Variants in EFHC2 observed in about 807,000 individuals in gnomAD.
The protein encoded by EFHC2 is EF-hand domain-containing family member C2.
A neutral mutation model predicts 52.7 loss-of-function variants in EFHC2; 18 were observed. That is an observed-to-expected ratio of 0.34 (90% CI 0.24 to 0.51). The LOEUF (loss-of-function observed/expected upper bound fraction) is 0.51, where lower values mean the gene tolerates loss of function less well. EFHC2 is among the 20% of genes least tolerant of loss of function. The pLI is 0.97. For synonymous variants in EFHC2, 203 were observed against 204.1 expected, an observed-to-expected ratio of 0.99 and a Z score of 0.04; for missense variants, 513 against 562.5, an observed-to-expected ratio of 0.91 and a Z score of 0.89.
At chrX:44,259,270 C>G (rs1174706842) in intron 4 of EFHC2, among the ~76,000 whole-genome samples, 4 of 111,153 alleles carry the variant, frequency 3.6e-5, no homozygotes, top group African/African-American at 1.3e-4. Context: ...AGTTGGAAAC[C>G]AGCATTCTCA....
At chrX:44,292,305 C>T (rs988548675) in intron 2 of EFHC2, among the ~76,000 whole-genome samples, 1 of 111,056 alleles carries the variant, frequency 9.0e-6, no homozygotes, top group African/African-American at 3.3e-5. Context: ...AGATGTTTTT[C>T]AGATTTTGGG....
intron 1 of EFHC2, among the ~76,000 whole-genome samples, chrX:44,328,930 C>T (rs1360698396): frequency 9.0e-6 from 1 of 111,622 alleles, no homozygotes; most frequent in Non-Finnish European, 1.9e-5. Context: ...AGCCCCTATG[C>T]TCCGCCCGCT....
intron 14 of EFHC2, among the ~76,000 whole-genome samples, chrX:44,158,039 C>T (rs2036621963): frequency 9.0e-6 from 1 of 111,075 alleles, no homozygotes; most frequent in Admixed American, 9.6e-5. Context: ...GACCAGACCA[C>T]ACCCCTACTC....
chrX:44,321,738 T>C (rs2038022468), intron 1 of EFHC2, among the ~76,000 whole-genome samples: 1 of 111,573 alleles, frequency 9.0e-6, no homozygotes, highest in Admixed American at 9.6e-5. Flanking sequence ...TTTGGCAACA[T>C]GGAGGTGGCT....
chrX:44,324,276 T>C (rs143232177), intron 1 of EFHC2, among the ~76,000 whole-genome samples: 128 of 110,507 alleles, frequency 1.2e-3, no homozygotes, highest in African/African-American at 3.7e-3. Flanking sequence ...CAATTCCCTA[T>C]GATTTCATCC....
intron 4 of EFHC2, among the ~76,000 whole-genome samples, chrX:44,260,133 G>A (rs943513234): frequency 1.8e-5 from 2 of 111,087 alleles, no homozygotes; most frequent in Non-Finnish European, 3.8e-5. Flanking sequence ...GAGCGGGATC[G>A]ATTCGATAAA....
intron 5 of EFHC2, among the ~76,000 whole-genome samples, chrX:44,249,713 C>T (rs753922326): frequency 5.1e-4 from 57 of 112,343 alleles, no homozygotes; most frequent in African/African-American, 1.8e-3. Context: ...TGACTAGTTG[C>T]TACATTCAGA....
At chrX:44,221,609 T>A (rs910105073) in intron 11 of EFHC2, among the ~76,000 whole-genome samples, 1 of 111,801 alleles carries the variant, frequency 8.9e-6, no homozygotes, top group Non-Finnish European at 1.9e-5. Context: ...TTCTTCTTGA[T>A]GAACCTTCAT....
At chrX:44,227,638 G>A (rs757259585) in intron 11 of EFHC2, among the ~76,000 whole-genome samples, 2 of 111,424 alleles carry the variant, frequency 1.8e-5, no homozygotes, top group Non-Finnish European at 3.8e-5. Context: ...ATTCGAATAG[G>A]AGAAGACACA....
At chrX:44,234,816 T>G (rs2037305413) in intron 9 of EFHC2, among the ~76,000 whole-genome samples, 1 of 111,771 alleles carries the variant, frequency 8.9e-6, no homozygotes, top group East Asian at 2.8e-4. Flanking sequence ...TGCTGGAACC[T>G]TGGCAACAAC....
intron 4 of EFHC2, among the ~76,000 whole-genome samples, chrX:44,260,286 T>C (rs753216051): frequency 9.6e-4 from 107 of 110,950 alleles, no homozygotes; most frequent in African/African-American, 3.4e-3. Flanking sequence ...CACACTTCAA[T>C]AGAAAAGGAA....
At chrX:44,320,997 C>T (rs890165142) in intron 1 of EFHC2, among the ~76,000 whole-genome samples, 7 of 111,508 alleles carry the variant, frequency 6.3e-5, no homozygotes, top group Non-Finnish European at 1.1e-4. Flanking sequence ...TAGAAAGGAT[C>T]GCTCTGGCCA....
intron 1 of EFHC2, among the ~76,000 whole-genome samples, chrX:44,328,945 G>A (rs779273706): frequency 9.0e-6 from 1 of 111,650 alleles, no homozygotes; most frequent in African/African-American, 3.3e-5. Flanking sequence ...CCCGCTCCCG[G>A]ACTGTGGAGT....
At chrX:44,165,765 A>G (rs2036691960) in intron 13 of EFHC2, among the ~76,000 whole-genome samples, 1 of 111,278 alleles carries the variant, frequency 9.0e-6, no homozygotes, top group Non-Finnish European at 1.9e-5. Flanking sequence ...CAAAATTCAT[A>G]TATTGAGGCC....
intron 11 of EFHC2, among the ~76,000 whole-genome samples, chrX:44,206,274 G>A (rs2147299242): frequency 8.9e-6 from 1 of 111,855 alleles, no homozygotes; most frequent in Non-Finnish European, 1.9e-5. Context: ...ACAAAAGTTG[G>A]CAGCATTTCC....
chrX:44,282,078 C>G (rs1021361286), intron 2 of EFHC2, among the ~76,000 whole-genome samples: 7 of 110,038 alleles, frequency 6.4e-5, no homozygotes, highest in African/African-American at 1.7e-4. Context: ...AGAAACAACC[C>G]AAAATACAGA....
chrX:44,313,870 G>A lies in EFHC2; in HGVS notation c.43-1114C>T, dbSNP rs759825026. ...CTTGGGAGGCTGAAACAGGAGAATCGTTTGAACCTGGGAGGCGGAGGTTGC... is the reference window on the plus strand; with the variant it reads ...CTTGGGAGGCTGAAACAGGAGAATCATTTGAACCTGGGAGGCGGAGGTTGC... On this transcript the variant is annotated intron_variant, in intron 1 of 14. Coordinates refer to ENST00000420999, the MANE Select transcript of EFHC2 (RefSeq NM_025184.4). 1.2e-3 allele frequency among the ~76,000 whole-genome samples: 131 copies of A among 111,253 alleles called. 1 individual carries two copies. The highest frequency in any genetic ancestry group is 3.9e-3 in the African/African-American group (120 of 30,563).
chrX:44,309,366 C>T (rs1344831869), intron 2 of EFHC2: 1 of 823,428 alleles, frequency 1.2e-6, no homozygotes, highest in African/African-American at 2.0e-5. Flanking sequence ...TGACACCACT[C>T]CCATCCTCTG....
rs201977577 is a variant in EFHC2 at position 44,178,129 on chromosome X, T to TCACACACACACACACACACA, written c.1949+218_1949+237dup. On this transcript the variant is annotated intron_variant, in intron 12 of 14. Coordinates refer to ENST00000420999, the MANE Select transcript of EFHC2 (RefSeq NM_025184.4). ...CTGGGCGACAGGGCCAGATGCCATA[T>TCACACACACACACACACACA]CACACACACACACACACACACACAC... Among the ~76,000 whole-genome samples, 441 of 83,928 alleles carry TCACACACACACACACACACA rather than the reference T, an allele frequency of 5.3e-3. 5 individuals are homozygous for TCACACACACACACACACACA. Among genetic ancestry groups the TCACACACACACACACACACA allele is most frequent in the Non-Finnish European group, 7.1e-3 (310 of 43,677 alleles). The allele number at this position is 83,928 out of a possible 115,157, so 72.9% of individuals were successfully genotyped here. A position where few individuals can be genotyped will look rare whatever the true frequency, so the allele number is the denominator to read the frequency against.
Sources: allele counts gnomAD v4.1 joint callset (sites outside exome capture counted in the v4.1 genomes callset), GRCh38; gene constraint gnomAD v4.1.1; transcripts MANE v1.5; gene names NCBI Gene and HGNC (gene_info 2026-07-23, HGNC 2026-07-21).